KIAA1328: variants seen among roughly 807,000 people sequenced by gnomAD.
The protein encoded by KIAA1328 is protein hinderin.
KIAA1328 carries 52 observed loss-of-function variants against 68.1 expected under a neutral mutation model. The observed-to-expected ratio is 0.76, with a 90% CI of 0.61 to 0.96. KIAA1328 has a LOEUF of 0.96. KIAA1328 is among the 40% of genes least tolerant of loss of function. The pLI is 0.00. For synonymous variants in KIAA1328, 232 were observed against 239.4 expected, an observed-to-expected ratio of 0.97 and a Z score of 0.28; for missense variants, 641 against 677.6, an observed-to-expected ratio of 0.95 and a Z score of 0.60.
chr18:36,941,209 T>C (rs1224104792), intron 5 of KIAA1328, among the ~76,000 whole-genome samples: 1 of 152,166 alleles, frequency 6.6e-6, no homozygotes, highest in Non-Finnish European at 1.5e-5. Flanking sequence ...TTTAAAAATA[T>C]GTATACCCAC....
At chr18:37,167,226 G>A (rs979299064) in intron 8 of KIAA1328, among the ~76,000 whole-genome samples, 2 of 152,118 alleles carry the variant, frequency 1.3e-5, no homozygotes, top group African/African-American at 4.8e-5. Context: ...AGCTCCTGAA[G>A]CCCCAGTGGG....
chr18:37,029,055 C>G (rs1472799048), intron 6 of KIAA1328, among the ~76,000 whole-genome samples: 1 of 152,074 alleles, frequency 6.6e-6, no homozygotes, highest in Non-Finnish European at 1.5e-5. Flanking sequence ...GTCAAAGTCC[C>G]TCCTACTTGA....
At chr18:36,943,011 T>C (rs1457638284) in intron 5 of KIAA1328, among the ~76,000 whole-genome samples, 2 of 152,216 alleles carry the variant, frequency 1.3e-5, no homozygotes, top group East Asian at 3.8e-4. Context: ...TACAGTGTTA[T>C]GCAGACTGCT....
intron 6 of KIAA1328, among the ~76,000 whole-genome samples, chr18:37,044,631 A>G (rs1371518938): frequency 6.6e-6 from 1 of 151,878 alleles, no homozygotes; most frequent in Non-Finnish European, 1.5e-5. Flanking sequence ...CCTCATCTCT[A>G]CTAAAAATAC....
At chr18:37,032,747 T>C (rs2054881849) in intron 6 of KIAA1328, among the ~76,000 whole-genome samples, 1 of 152,180 alleles carries the variant, frequency 6.6e-6, no homozygotes, top group South Asian at 2.1e-4. Flanking sequence ...ATTCAAGCGA[T>C]TCTCCTGCCC....
At chr18:37,105,249 T>A (rs1027215450) in intron 7 of KIAA1328, among the ~76,000 whole-genome samples, 1 of 152,096 alleles carries the variant, frequency 6.6e-6, no homozygotes, top group East Asian at 1.9e-4. Context: ...ACGCCTGTTA[T>A]CCCACTACTT....
chr18:37,041,640 TTGTGTGTGTGTGTGTGTGTG>T (rs56237948), intron 6 of KIAA1328, among the ~76,000 whole-genome samples: 3 of 146,910 alleles, frequency 2.0e-5, no homozygotes, highest in Non-Finnish European at 4.5e-5. Context: ...TTTTTTGTGT[TTGTGTGTGTGTGTGTGTGTG>T]TGTGTGTGTG....
intron 7 of KIAA1328, among the ~76,000 whole-genome samples, chr18:37,099,802 T>A (rs373295788): frequency 2.0e-5 from 3 of 152,234 alleles, no homozygotes; most frequent in African/African-American, 7.2e-5. Flanking sequence ...GCTCTTCTTG[T>A]TGAATTGATC....
intron 4 of KIAA1328, among the ~76,000 whole-genome samples, chr18:36,854,705 A>G (rs2047326802): frequency 6.6e-6 from 1 of 152,138 alleles, no homozygotes; most frequent in Non-Finnish European, 1.5e-5. Context: ...TTTTAAGTAC[A>G]CAAGGCAGTG....
chr18:37,123,681 CTG>C (rs1478377931), intron 7 of KIAA1328, among the ~76,000 whole-genome samples: 1 of 152,070 alleles, frequency 6.6e-6, no homozygotes, highest in Non-Finnish European at 1.5e-5. Context: ...TAATAACAAA[CTG>C]AGGTTAGGCA....
At chr18:36,982,845 G>A (rs1412241810) in intron 6 of KIAA1328, among the ~76,000 whole-genome samples, 1 of 151,824 alleles carries the variant, frequency 6.6e-6, no homozygotes, top group Non-Finnish European at 1.5e-5. Flanking sequence ...AAGAAATATT[G>A]CATTAAGGGA....
chr18:36,980,508 A>G (rs2052641381), intron 6 of KIAA1328, among the ~76,000 whole-genome samples: 1 of 152,330 alleles, frequency 6.6e-6, no homozygotes, highest in East Asian at 1.9e-4. Flanking sequence ...GGCATGTCGT[A>G]TGGCTGCTTC....
intron 6 of KIAA1328, among the ~76,000 whole-genome samples, chr18:36,985,479 A>C (rs1187584469): frequency 6.6e-6 from 1 of 152,232 alleles, no homozygotes; most frequent in Admixed American, 6.5e-5. Flanking sequence ...ATAAACCTAC[A>C]ATATGGGATG....
At chr18:37,036,123 T>C (rs1384080653) in intron 6 of KIAA1328, among the ~76,000 whole-genome samples, 1 of 152,208 alleles carries the variant, frequency 6.6e-6, no homozygotes, top group East Asian at 1.9e-4. Context: ...GGTCACCTTA[T>C]TACGTAAGCA....
chr18:37,129,697 A>G lies in KIAA1328; in HGVS notation c.1233-30503A>G, dbSNP rs1385756. On this transcript the variant is annotated intron_variant, in intron 7 of 9. Coordinates refer to ENST00000280020, the MANE Select transcript of KIAA1328 (RefSeq NM_020776.3). Reference sequence around the variant, plus strand: ...AATTTCTTCAATAGTAAATATTTACATAATCATAATATGGCAAATGATACT... The same window carrying G: ...AATTTCTTCAATAGTAAATATTTACGTAATCATAATATGGCAAATGATACT... Among the ~76,000 whole-genome samples, 364 of 152,342 alleles carry G rather than the reference A, an allele frequency of 2.4e-3. 6 individuals carry two copies. Among genetic ancestry groups the G allele is most frequent in the Admixed American group, 0.02 (313 of 15,302 alleles).
Position 37,225,291 on chromosome 18 carries a change from T to G in KIAA1328, c.*3064T>G. The stretch of plus-strand genomic sequence containing the variant: ...ATATGAGCAAATGTTTATGTACGTA[T>G]GAGATTTCAAGTTAATAAATCATCT... On this transcript the variant is annotated 3_prime_UTR_variant, in exon 10 of 10. Transcript: ENST00000280020. The G allele has an allele frequency of 1.0e-6, 1 of 985,480 alleles. No homozygotes were observed. Among genetic ancestry groups the G allele is most frequent in the Non-Finnish European group, 1.2e-6 (1 of 829,942 alleles). 61.0% of individuals were successfully genotyped at this position (985,480 alleles called of 1,614,324 possible). A position where few individuals can be genotyped will look rare whatever the true frequency, so the allele number is the denominator to read the frequency against.
At chr18:37,200,566 C>T (rs1160703716) in intron 9 of KIAA1328, among the ~76,000 whole-genome samples, 3 of 151,572 alleles carry the variant, frequency 2.0e-5, no homozygotes, top group Non-Finnish European at 2.9e-5. Flanking sequence ...AATCCCAGCA[C>T]TTTGGGAGGC....
chr18:36,839,099 T>A lies in KIAA1328; in HGVS notation c.237+3723T>A, dbSNP rs533518319. On this transcript the variant is annotated intron_variant, in intron 3 of 9. Coordinates refer to ENST00000280020, the MANE Select transcript of KIAA1328 (RefSeq NM_020776.3). Reference sequence around the variant, plus strand: ...TTGTTGAGCTTTTTGGGACTGTGGGTTTATAGTTTTCATCAAATTGGGAAA... The same window carrying A: ...TTGTTGAGCTTTTTGGGACTGTGGGATTATAGTTTTCATCAAATTGGGAAA... 1.4e-4 allele frequency among the ~76,000 whole-genome samples: 22 copies of A among 152,226 alleles called. No individual in the cohort carries two copies. In the East Asian group the frequency reaches 4.1e-3, roughly 28 times the overall value.
At chr18:36,859,536 C>T (rs1470292375) in intron 4 of KIAA1328, among the ~76,000 whole-genome samples, 1 of 150,646 alleles carries the variant, frequency 6.6e-6, no homozygotes, top group Non-Finnish European at 1.5e-5. Context: ...TCCCTCCCTC[C>T]CTTTTTCCTT....
Sources: gnomAD v4.1 joint callset for allele counts (sites outside exome capture counted in the v4.1 genomes callset) on GRCh38, gnomAD v4.1.1 for gene constraint, MANE v1.5 for transcripts, NCBI Gene and HGNC (gene_info 2026-07-23, HGNC 2026-07-21) for gene names.